TMEM109: variants seen among roughly 807,000 people sequenced by gnomAD.
The protein encoded by TMEM109 is voltage-gated monoatomic cation channel TMEM109.
In TMEM109, 19 loss-of-function variants were observed where a neutral mutation model predicts 26.4. That is an observed-to-expected ratio of 0.72 (90% CI 0.50 to 1.06). The LOEUF (loss-of-function observed/expected upper bound fraction) is 1.06, where lower values mean the gene tolerates loss of function less well. Ranked by LOEUF, TMEM109 falls within the 50% of genes least tolerant of loss-of-function variation. The pLI, the probability that TMEM109 is intolerant of heterozygous loss-of-function variation, is 0.00. For synonymous variants in TMEM109, 129 were observed against 142.0 expected (o/e 0.91, Z 0.65); for missense variants, 262 against 303.4 (o/e 0.86, Z 1.01).
rs753579365 is a variant in TMEM109 at position 60,921,774 on chromosome 11, G to A, written c.341G>A (p.Gly114Asp). ...ACTCTGTGACTCTCTTGGCTTCCAG[G>A]TGATTACCTCGCCCAGGGCCTGAAG... ...AQLLNALGLA[G>D]DYLAQGLKLS... Residue 114 changes from glycine to aspartate, a missense_variant and splice_region_variant, in exon 4 of 4, where the codon GGT becomes GAT. Physicochemically the swap from Gly to Asp is moderately conservative, Grantham distance 94. Coordinates refer to ENST00000227525, the MANE Select transcript of TMEM109 (RefSeq NM_024092.3). The A allele has an allele frequency of 3.1e-6, 5 of 1,606,922 alleles. No homozygotes were observed. The African/African-American group carries it at 4.0e-5, about 13-fold the overall frequency.
chr11:60,916,952 C>G (rs1236211690), intron 1 of TMEM109, among the ~76,000 whole-genome samples: 1 of 152,168 alleles, frequency 6.6e-6, no homozygotes, highest in Non-Finnish European at 1.5e-5. Context: ...ATGGTTATGA[C>G]CCAGATAGCT....
At chr11:60,916,356 C>T (rs770454906) in intron 1 of TMEM109, among the ~76,000 whole-genome samples, 14 of 152,174 alleles carry the variant, frequency 9.2e-5, no homozygotes, top group Non-Finnish European at 1.6e-4. Flanking sequence ...ATATGTATAA[C>T]ATTTGTATTA....
rs1172522683 is a variant in TMEM109, at chr11:60,920,972, T to C, written c.324T>C (p.Asn108=). Residue 108 remains asparagine, a synonymous_variant, in exon 3 of 4, where the codon AAT becomes AAC. Transcript: ENST00000227525. ...CTGGGATCGCCGCACAGCTGCTGAA[T>C]GCCTTGGGACTAGCTGGTGAGTGTT... is the stretch of plus-strand genomic sequence containing the variant. ...ALSGIAAQLL[N]ALGLAGDYLA... The C allele has an allele frequency of 6.2e-7, 1 of 1,614,160 alleles. No homozygotes were observed. The highest frequency in any genetic ancestry group is 8.5e-7 in the Non-Finnish European group (1 of 1,179,988).
chr11:60,921,831 T>A lies in TMEM109; in HGVS notation c.398T>A (p.Leu133Gln). 1 of 1,614,122 alleles carries A rather than the reference T, an allele frequency of 6.2e-7. No individual in the cohort carries two copies. Among genetic ancestry groups the A allele is most frequent in the Non-Finnish European group, 8.5e-7 (1 of 1,180,034 alleles). Reference protein sequence around the residue: ...LSPGQVQTFLLWGAGALVVYW... With the variant: ...LSPGQVQTFLQWGAGALVVYW... ...CCTGGCCAGGTCCAGACCTTCCTGC[T>A]GTGGGGAGCAGGGGCCCTGGTCGTC... The change falls in exon 4 of 4, where the codon CTG (leucine) becomes CAG (glutamine). Residue 133 changes from leucine (L) to glutamine (Q), a missense_variant. Leu to Gln is a moderately radical substitution (Grantham distance 113). Coordinates refer to ENST00000227525, the MANE Select transcript of TMEM109 (RefSeq NM_024092.3).
chr11:60,921,976 C>G lies in TMEM109; in HGVS notation c.543C>G (p.Asp181Glu). Residue 181 changes from aspartate (D) to glutamate (E), a missense_variant, in exon 4 of 4, where the codon GAC becomes GAG. Coordinates refer to ENST00000227525, the MANE Select transcript of TMEM109 (RefSeq NM_024092.3). ...GFVALMRSVPDPSTRALLLLA... is the reference protein window; with the variant it reads ...GFVALMRSVPEPSTRALLLLA... ...TGGCCCTGATGAGGTCGGTGCCTGA[C>G]CCTTCCACCCGGGCCCTGCTACTCC... The G allele has an allele frequency of 6.2e-7, 1 of 1,613,676 alleles. No homozygotes were observed. The highest frequency in any genetic ancestry group is 8.5e-7 in the Non-Finnish European group (1 of 1,179,976).
At chr11:60,919,248 G>A (rs1356881369) in intron 1 of TMEM109, 1 of 192,424 alleles carries the variant, frequency 5.2e-6, no homozygotes, top group Non-Finnish European at 1.1e-5. Flanking sequence ...TCCTACTTGT[G>A]TGCTATTTTT....
chr11:60,920,206 G>A (rs1403775810), intron 2 of TMEM109, among the ~76,000 whole-genome samples: 1 of 152,154 alleles, frequency 6.6e-6, no homozygotes, highest in African/African-American at 2.4e-5. Context: ...ATGTTACTGG[G>A]TGACTGTAGA....
Position 60,922,440 on chromosome 11 carries a change from G to A in TMEM109, c.*275G>A, listed in dbSNP as rs1337450016. The stretch of plus-strand genomic sequence containing the variant: ...TGCCTCACCAGGGAAGGTTGGAGGG[G>A]CCTCCCTCTGGCTTCTGCATCTGCG... On this transcript the variant is annotated 3_prime_UTR_variant, in exon 4 of 4. Transcript: ENST00000227525. The A allele has an allele frequency of 7.2e-7, 1 of 1,381,586 alleles. No homozygotes were observed. The highest frequency in any genetic ancestry group is 1.4e-5 in the African/African-American group (1 of 69,862). 85.6% of individuals were successfully genotyped at this position (1,381,586 alleles called of 1,614,324 possible).
chr11:60,919,785 C>T lies in TMEM109; in HGVS notation c.92C>T (p.Ala31Val). 1 of 1,614,160 alleles carries T rather than the reference C, an allele frequency of 6.2e-7. No individual in the cohort carries two copies. Among genetic ancestry groups the T allele is most frequent in the Non-Finnish European group, 8.5e-7 (1 of 1,180,032 alleles). Reference sequence around the variant, plus strand: ...GTGGCCCTTATCCTCCTCCACTCAGCATTGGCCCAGTCCCGTCGAGACTTT... The same window carrying T: ...GTGGCCCTTATCCTCCTCCACTCAGTATTGGCCCAGTCCCGTCGAGACTTT... ...VLVALILLHS[A>V]LAQSRRDFAP... is the part of the protein sequence containing the mutation. Residue 31 changes from alanine to valine, a missense_variant, in exon 2 of 4, where the codon GCA becomes GTA. Transcript: ENST00000227525.
rs764616924 is a variant in TMEM109, at chr11:60,922,465, G to A, written c.*300G>A. The A allele has an allele frequency of 1.5e-5, 17 of 1,124,182 alleles. No homozygotes were observed. The highest frequency in any genetic ancestry group is 2.3e-5 in the Admixed American group (1 of 43,790). The allele number at this position is 1,124,182 out of a possible 1,614,324, so 69.6% of individuals were successfully genotyped here. The stretch of plus-strand genomic sequence containing the variant: ...GCCTCCCTCTGGCTTCTGCATCTGC[G>A]CCAGCAAACATCACTGCCGTTGGTC... On this transcript the variant is annotated 3_prime_UTR_variant, in exon 4 of 4. Coordinates refer to ENST00000227525, the MANE Select transcript of TMEM109 (RefSeq NM_024092.3).
intron 1 of TMEM109, among the ~76,000 whole-genome samples, chr11:60,916,971 C>T (rs1856181022): frequency 1.3e-5 from 2 of 152,192 alleles, no homozygotes; most frequent in Non-Finnish European, 2.9e-5. Flanking sequence ...CTCAGGAACT[C>T]ACCTGTGCTT....
chr11:60,918,286 C>A lies in TMEM109; in HGVS notation c.-8-1400C>A, dbSNP rs76520719. The stretch of plus-strand genomic sequence containing the variant: ...ATTTTCTGCTTCCTATAACAGAATG[C>A]CACTGCCTGCGTAGTTTATAATGAA... On this transcript the variant is annotated intron_variant, in intron 1 of 3. Coordinates refer to ENST00000227525, the MANE Select transcript of TMEM109 (RefSeq NM_024092.3). Among the ~76,000 whole-genome samples the A allele has an allele frequency of 4.0e-3, 604 of 152,288 alleles. 4 individuals are homozygous for A. Among genetic ancestry groups the A allele is most frequent in the African/African-American group, 0.013 (551 of 41,538 alleles).
At chr11:60,920,182 ATCTT>A (rs1856220480) in intron 2 of TMEM109, among the ~76,000 whole-genome samples, 1 of 152,200 alleles carries the variant, frequency 6.6e-6, no homozygotes, top group Non-Finnish European at 1.5e-5. Flanking sequence ...GAAATGAGCC[ATCTT>A]TATAAGCCCA....
chr11:60,917,252 G>A (rs1478254252), intron 1 of TMEM109, among the ~76,000 whole-genome samples: 1 of 152,122 alleles, frequency 6.6e-6, no homozygotes, highest in African/African-American at 2.4e-5. Context: ...CATCCCTCAT[G>A]GCTCTGGATT....
Position 60,922,274 on chromosome 11 carries a change from T to G in TMEM109, c.*109T>G, listed in dbSNP as rs992403212. On this transcript the variant is annotated 3_prime_UTR_variant, in exon 4 of 4. Transcript: ENST00000227525. ...CCTTTTCTTGCCCTGTCTCTGAACC[T>G]TCAGAACATTGATCCTTGCCGCAGC... is the stretch of plus-strand genomic sequence containing the variant. 3.2e-6 allele frequency: 5 copies of G among 1,544,842 alleles called. No individual in the cohort carries two copies. The African/African-American group carries it at 6.8e-5, about 21-fold the overall frequency.
chr11:60,921,054 A>G, intron 3 of TMEM109, 66 bp downstream of exon 3: 1 of 1,398,292 alleles, frequency 7.2e-7, no homozygotes, highest in Non-Finnish European at 1.0e-6. Context: ...GTGGGAGTTC[A>G]TCTTTGTCAG....
In TMEM109 at chr11:60,920,562, G is replaced by A. The variant is rs541026722; in HGVS notation, c.238-324G>A. 4.6e-5 allele frequency among the ~76,000 whole-genome samples: 7 copies of A among 152,282 alleles called. No homozygotes were observed. The South Asian group carries it at 1.4e-3, about 32-fold the overall frequency. ...GGGTGACTACTAAAAGTATTTGATT[G>A]TCTCCGTCATTCACACACAAGTACA... On this transcript the variant is annotated intron_variant, in intron 2 of 3. Coordinates refer to ENST00000227525, the MANE Select transcript of TMEM109 (RefSeq NM_024092.3).
In TMEM109 at chr11:60,919,671, C is replaced by A; in HGVS notation, c.-8-15C>A. On this transcript the variant is annotated splice_polypyrimidine_tract_variant and intron_variant, in intron 1 of 3. Transcript: ENST00000227525. ...CTACCATGGCACTCAGCTCACTGTG[C>A]TTCTCTCCTGGCAGACCCAGTCATG... The A allele has an allele frequency of 6.2e-7, 1 of 1,605,156 alleles. No homozygotes were observed. The highest frequency in any genetic ancestry group is 8.5e-7 in the Non-Finnish European group (1 of 1,171,874).
At chr11:60,919,600 G>A (rs907747319) in intron 1 of TMEM109, 86 bp from the exon 2 acceptor site, 2 of 1,132,292 alleles carry the variant, frequency 1.8e-6, no homozygotes, top group Admixed American at 1.7e-5. Flanking sequence ...TGGGGTAGGG[G>A]TGGAGAAGGA....
Sources: allele counts gnomAD v4.1 joint callset (sites outside exome capture counted in the v4.1 genomes callset), GRCh38; gene constraint gnomAD v4.1.1; transcripts MANE v1.5; gene names NCBI Gene and HGNC (gene_info 2026-07-23, HGNC 2026-07-21).